Variants in SLC25A24 observed in about 807,000 individuals in gnomAD.
The protein encoded by SLC25A24 is mitochondrial adenyl nucleotide antiporter SLC25A24.
A neutral mutation model predicts 60.7 loss-of-function variants in SLC25A24; 49 were observed. The ratio of observed to expected loss-of-function variants is 0.81; its 90% CI spans 0.64 to 1.02. SLC25A24 has a LOEUF of 1.02. Among genes scored for constraint, SLC25A24 ranks in the 50% least tolerant of loss-of-function variants. The pLI is 0.00. For synonymous variants in SLC25A24, 202 were observed against 200.6 expected (o/e 1.01, Z -0.06); for missense variants, 564 against 586.3 (o/e 0.96, Z 0.39).
chr1:108,163,121 T>A (rs1410262045), intron 3 of SLC25A24, among the ~76,000 whole-genome samples: 1 of 127,968 alleles, frequency 7.8e-6, no homozygotes, highest in Non-Finnish European at 1.6e-5. Context: ...GCGGCGTTAT[T>A]TCTGAGGGCT....
At chr1:108,187,929 T>G (rs1228703064) in intron 1 of SLC25A24, among the ~76,000 whole-genome samples, 1 of 132,684 alleles carries the variant, frequency 7.5e-6, no homozygotes, top group South Asian at 2.3e-4. Context: ...ACATTATAGA[T>G]ATATATATAT....
intron 3 of SLC25A24, among the ~76,000 whole-genome samples, chr1:108,168,086 A>C (rs1312150677): frequency 6.6e-6 from 1 of 152,220 alleles, no homozygotes; most frequent in Non-Finnish European, 1.5e-5. Flanking sequence ...GGTGCATCCT[A>C]CAAATTTTAT....
intron 3 of SLC25A24, among the ~76,000 whole-genome samples, chr1:108,162,578 T>C (rs916811030): frequency 9.7e-4 from 148 of 152,182 alleles, no homozygotes; most frequent in African/African-American, 3.3e-3. Context: ...GTTTTTTGGC[T>C]GCATAAATGT....
intron 7 of SLC25A24, among the ~76,000 whole-genome samples, chr1:108,144,813 G>A (rs1679542491): frequency 6.6e-6 from 1 of 152,060 alleles, no homozygotes; most frequent in South Asian, 2.1e-4. Context: ...GCCATATTTT[G>A]TTTATCTAGT....
intron 1 of SLC25A24, chr1:108,199,694 G>C: frequency 1.8e-6 from 1 of 540,672 alleles, no homozygotes; most frequent in East Asian, 3.1e-5. Context: ...AAATTTAACA[G>C]TGCCCGTGGG....
intron 1 of SLC25A24, 106 bp from the exon 2 acceptor site, chr1:108,186,060 T>C (rs1229988343): frequency 1.2e-6 from 1 of 827,036 alleles, no homozygotes; most frequent in African/African-American, 1.8e-5. Context: ...AAGACTATAG[T>C]ACCTATTTTT....
intron 6 of SLC25A24, 135 bp from the exon 7 acceptor site, chr1:108,148,521 T>C (rs774251490): frequency 4.9e-5 from 31 of 627,924 alleles, no homozygotes; most frequent in Middle Eastern, 4.3e-4. Flanking sequence ...GTAATTAGGG[T>C]TATGAGGTCA....
chr1:108,197,309 T>C (rs1333927250), intron 1 of SLC25A24, among the ~76,000 whole-genome samples: 2 of 152,238 alleles, frequency 1.3e-5, no homozygotes, highest in Non-Finnish European at 2.9e-5. Context: ...AAATTTGTTC[T>C]CTTCTAAATG....
rs2840307 is a variant in SLC25A24 at position 108,200,330 on chromosome 1, G to T, written c.-192C>A. The T allele has an allele frequency of 0.3, 105,426 of 348,326 alleles. 17,529 individuals are homozygous for T. Among genetic ancestry groups the T allele is most frequent in the South Asian group, 0.5 (3,643 of 7,242 alleles). The allele number at this position is 348,326 out of a possible 1,614,324, so 21.6% of individuals were successfully genotyped here. On this transcript the variant is annotated 5_prime_UTR_variant, in exon 1 of 10. Transcript: ENST00000565488. The stretch of plus-strand genomic sequence containing the variant: ...GCGGAGACCCCACCCGAGCCCGCGC[G>T]GAGCGCAGGGTGTGGCCGTCCCGCC...
At chr1:108,143,469 A>T in intron 8 of SLC25A24, 74 bp downstream of exon 8, 1 of 1,253,418 alleles carries the variant, frequency 8.0e-7, no homozygotes, top group Non-Finnish European at 1.1e-6. Flanking sequence ...GTATATATCT[A>T]CTTCTTCATA....
At chr1:108,179,711 T>C (rs1647845868) in intron 3 of SLC25A24, among the ~76,000 whole-genome samples, 2 of 152,238 alleles carry the variant, frequency 1.3e-5, no homozygotes. Flanking sequence ...GAGAGCAGAA[T>C]ACTTTGGGAG....
rs1450534823 is a variant in SLC25A24 at position 108,135,933 on chromosome 1, T to C, written c.*720A>G. 2 of 152,396 alleles carry C rather than the reference T, an allele frequency of 1.3e-5. No individual in the cohort carries two copies. The highest frequency in any genetic ancestry group is 1.9e-4 in the East Asian group (1 of 5,194). The allele number at this position is 152,396 out of a possible 1,614,324, so 9.4% of individuals were successfully genotyped here. A position where few individuals can be genotyped will look rare whatever the true frequency, so the allele number is the denominator to read the frequency against. ...CGTTTCCTGCTGCTTTTCAAAGCAA[T>C]GGCAGGATAAACGGAATCTTTCAAA... On this transcript the variant is annotated 3_prime_UTR_variant, in exon 10 of 10. Transcript: ENST00000565488.
chr1:108,164,318 G>A (rs1406810677), intron 3 of SLC25A24, among the ~76,000 whole-genome samples: 1 of 151,520 alleles, frequency 6.6e-6, no homozygotes, highest in African/African-American at 2.4e-5. Flanking sequence ...AAATGAGTTA[G>A]GGAGGATTCC....
intron 1 of SLC25A24, among the ~76,000 whole-genome samples, chr1:108,190,530 C>G (rs1301533038): frequency 6.6e-6 from 1 of 151,998 alleles, no homozygotes; most frequent in African/African-American, 2.4e-5. Flanking sequence ...AATTTTGAGT[C>G]AAAGTTCTAT....
In SLC25A24 at chr1:108,182,000, C is replaced by A; in HGVS notation, c.339G>T (p.Gln113His). 3 of 1,612,372 alleles carry A rather than the reference C, an allele frequency of 1.9e-6. No individual in the cohort carries two copies. The highest frequency in any genetic ancestry group is 1.1e-5 in the South Asian group (1 of 90,834). ...TAGTCAGACCCAGTGTCTGGAGAGA[C>A]TGGACAATTTCTGAAGCCTCAATTT... is the stretch of plus-strand genomic sequence containing the variant. ...DGKIEASEIVQSLQTLGLTIS... is the reference protein window; with the variant it reads ...DGKIEASEIVHSLQTLGLTIS... The change falls in exon 3 of 10, where the codon CAG becomes CAT. Residue 113 changes from glutamine to histidine, a missense_variant. Coordinates refer to ENST00000565488, the MANE Select transcript of SLC25A24 (RefSeq NM_013386.5).
At chr1:108,192,899 T>C in intron 1 of SLC25A24, 2 of 575,648 alleles carry the variant, frequency 3.5e-6, no homozygotes, top group Non-Finnish European at 4.7e-6. Flanking sequence ...GCGGAGTTCC[T>C]GCCTCACTCA....
At chr1:108,140,880 G>C (rs1473726633) in intron 8 of SLC25A24, among the ~76,000 whole-genome samples, 1 of 149,762 alleles carries the variant, frequency 6.7e-6, no homozygotes, top group Non-Finnish European at 1.5e-5. Context: ...GGGAAAAACA[G>C]AAAAGCCACA....
intron 3 of SLC25A24, among the ~76,000 whole-genome samples, chr1:108,171,029 G>A (rs1647442576): frequency 6.6e-6 from 1 of 152,052 alleles, no homozygotes; most frequent in African/African-American, 2.4e-5. Context: ...TACTGTACTT[G>A]AATTTATTTC....
intron 4 of SLC25A24, among the ~76,000 whole-genome samples, chr1:108,160,014 G>A (rs1442984742): frequency 6.6e-6 from 1 of 152,134 alleles, no homozygotes; most frequent in Non-Finnish European, 1.5e-5. Flanking sequence ...GCCGGGCAGA[G>A]GGGCTCCTCA....
Sources: gnomAD v4.1 joint callset for allele counts (sites outside exome capture counted in the v4.1 genomes callset) on GRCh38, gnomAD v4.1.1 for gene constraint, MANE v1.5 for transcripts, NCBI Gene and HGNC (gene_info 2026-07-23, HGNC 2026-07-21) for gene names.